IL18BP: variants seen among roughly 807,000 people sequenced by gnomAD.
IL18BP encodes interleukin 18 binding protein.
IL18BP carries 23 observed loss-of-function variants against 19.9 expected under a neutral mutation model. The ratio of observed to expected loss-of-function variants is 1.15; its 90% CI spans 0.83 to 1.64. The LOEUF (loss-of-function observed/expected upper bound fraction) is 1.64, where lower values mean the gene tolerates loss of function less well. Ranked by LOEUF, IL18BP falls within the 40% of genes most tolerant of loss-of-function variation. The probability of loss-of-function intolerance (pLI) is 0.00; values close to 1 mark genes in which losing one functional copy is unlikely to be tolerated. For missense variants in IL18BP, 239 were observed against 240.7 expected, an observed-to-expected ratio of 0.99 and a Z score of 0.05; for synonymous variants, 107 against 101.0, an observed-to-expected ratio of 1.06 and a Z score of -0.35.
chr11:72,007,335 G>T (rs200148571), downstream of IL18BP: 2 of 1,613,632 alleles, frequency 1.2e-6, no homozygotes, highest in East Asian at 4.5e-5. Context: ...GTGAAGTAGA[G>T]ACTCTCCAGG....
intron 2 of IL18BP, 142 bp downstream of exon 2, chr11:72,000,154 T>C: frequency 1.0e-6 from 1 of 965,298 alleles, no homozygotes; most frequent in Non-Finnish European, 1.6e-6. Context: ...CCTGGGCAGA[T>C]ATTGTAGCTC....
chr11:72,004,902 C>A (rs956387739), downstream of IL18BP: 24 of 1,315,830 alleles, frequency 1.8e-5, no homozygotes, highest in Admixed American at 6.2e-4. Context: ...TCTACACTCG[C>A]CCGACACTTA....
At position 72,001,451 on chromosome 11, in the gene IL18BP, C is replaced by T; in HGVS notation, c.406C>T (p.Leu136=). The T allele has an allele frequency of 1.2e-6, 2 of 1,614,216 alleles. No homozygotes were observed. Among genetic ancestry groups the T allele is most frequent in the Non-Finnish European group, 8.5e-7 (1 of 1,180,046 alleles). ...TGTQLCKALV[L]EQLTPALHST... ...TACGCAGCTGTGCAAGGCCTTGGTGCTGGAGCAGCTGACCCCTGCCCTGCA... is the reference window on the plus strand; with the variant it reads ...TACGCAGCTGTGCAAGGCCTTGGTGTTGGAGCAGCTGACCCCTGCCCTGCA... Residue 136 remains leucine (L), a synonymous_variant, in exon 5 of 6, where the codon CTG becomes TTG. Transcript: ENST00000393703.
chr11:72,004,861 G>T, downstream of IL18BP: 1 of 1,505,664 alleles, frequency 6.6e-7, no homozygotes, highest in Non-Finnish European at 8.9e-7. Context: ...GCTGTATGGA[G>T]ATGGAGGAGG....
chr11:72,003,387 G>A (rs1229181773), downstream of IL18BP: 35 of 824,508 alleles, frequency 4.2e-5, no homozygotes, highest in South Asian at 1.6e-4. Flanking sequence ...GCCAGGGTGC[G>A]GGCAGGCATC....
At position 72,002,442 on chromosome 11, in the gene IL18BP, G is replaced by T; in HGVS notation, c.*581G>T. The T allele has an allele frequency of 6.4e-6, 1 of 157,070 alleles. No homozygotes were observed. Among genetic ancestry groups the T allele is most frequent in the Non-Finnish European group, 1.4e-5 (1 of 71,046 alleles). 9.7% of individuals were successfully genotyped at this position (157,070 alleles called of 1,614,324 possible). ...CTTCACTCTAATGGACTGTTCCAGG[G>T]AAGGGATGGGGGCAGCAGCTGCTTC... On this transcript the variant is annotated 3_prime_UTR_variant, in exon 6 of 6. Coordinates refer to ENST00000393703, the MANE Select transcript of IL18BP (RefSeq NM_001039660.2).
At chr11:71,999,056 G>C (rs1197548887) in intron 1 of IL18BP, 37 bp downstream of exon 1, 3 of 458,150 alleles carry the variant, frequency 6.5e-6, no homozygotes, top group Non-Finnish European at 1.3e-5. Flanking sequence ...CTAGACCTGT[G>C]GCTCTGGCCA....
chr11:72,005,944 G>T, downstream of IL18BP: 2 of 1,129,112 alleles, frequency 1.8e-6, no homozygotes, highest in Non-Finnish European at 1.3e-6. Flanking sequence ...GGCCAGCCTT[G>T]GATTTTTAAA....
At chr11:72,007,284 G>C (rs367864451), downstream of IL18BP, 44 of 1,613,340 alleles carry the variant, frequency 2.7e-5, no homozygotes, top group Non-Finnish European at 3.7e-5. Flanking sequence ...AGGGAGTCCA[G>C]GCTGCTCTCC....
rs1361462147 is a variant in IL18BP at position 72,000,240 on chromosome 11, C to T, written c.29-111C>T. 4 of 1,049,826 alleles carry T rather than the reference C, an allele frequency of 3.8e-6. No individual in the cohort carries two copies. In the South Asian group the frequency reaches 5.5e-5, roughly 14 times the overall value. The allele number at this position is 1,049,826 out of a possible 1,614,324, so 65.0% of individuals were successfully genotyped here. The stretch of plus-strand genomic sequence containing the variant: ...GTGGGTGCTGAGGGGTCCCTCTTCC[C>T]GCTCTGATTCCCTGGCTAGAACCCA... On this transcript the variant is annotated intron_variant, in intron 2 of 5. Coordinates refer to ENST00000393703, the MANE Select transcript of IL18BP (RefSeq NM_001039660.2).
chr11:72,004,510 C>A, downstream of IL18BP: 1 of 1,247,304 alleles, frequency 8.0e-7, no homozygotes, highest in Non-Finnish European at 1.1e-6. Context: ...ATCCATGGGT[C>A]AGGCCCTTGG....
intron 3 of IL18BP, 69 bp downstream of exon 3, chr11:72,000,626 C>A: frequency 7.6e-7 from 1 of 1,314,886 alleles, no homozygotes; most frequent in Non-Finnish European, 1.1e-6. Flanking sequence ...GACTCCTGAG[C>A]GCCAGTCCCC....
chr11:72,002,050 C>G lies in IL18BP; in HGVS notation c.*189C>G. 2.5e-6 allele frequency: 2 copies of G among 784,914 alleles called. No individual in the cohort carries two copies. Among genetic ancestry groups the G allele is most frequent in the Non-Finnish European group, 4.1e-6 (2 of 487,102 alleles). 48.6% of individuals were successfully genotyped at this position (784,914 alleles called of 1,614,324 possible). On this transcript the variant is annotated 3_prime_UTR_variant, in exon 6 of 6. Coordinates refer to ENST00000393703, the MANE Select transcript of IL18BP (RefSeq NM_001039660.2). ...TCCCACCTACCTAGAAAATCACAGC[C>G]TCCTTATAATGCCTCCTCCTCCTGC...
chr11:72,001,990 T>C lies in IL18BP; in HGVS notation c.*129T>C, dbSNP rs1955277833. On this transcript the variant is annotated 3_prime_UTR_variant, in exon 6 of 6. Transcript: ENST00000393703. ...CGCAACACACCCCCTCCTTCTCTGCTTTGGGTCCCTTCTCTCACCAAATTC... is the reference window on the plus strand; with the variant it reads ...CGCAACACACCCCCTCCTTCTCTGCCTTGGGTCCCTTCTCTCACCAAATTC... The C allele has an allele frequency of 7.3e-7, 1 of 1,375,294 alleles. No homozygotes were observed. The highest frequency in any genetic ancestry group is 9.9e-7 in the Non-Finnish European group (1 of 1,010,406). 85.2% of individuals were successfully genotyped at this position (1,375,294 alleles called of 1,614,324 possible).
chr11:72,000,639 C>T (rs1282065480), intron 3 of IL18BP, 82 bp downstream of exon 3: 1 of 1,180,590 alleles, frequency 8.5e-7, no homozygotes, highest in Non-Finnish European at 1.2e-6. Flanking sequence ...CAGTCCCCTT[C>T]TGCCCATGTA....
Position 72,002,244 on chromosome 11 carries a change from G to A in IL18BP, c.*383G>A, listed in dbSNP as rs1401331640. On this transcript the variant is annotated 3_prime_UTR_variant, in exon 6 of 6. Coordinates refer to ENST00000393703, the MANE Select transcript of IL18BP (RefSeq NM_001039660.2). ...CTCCCAACTATTCTTGCTTTTCCCA[G>A]ACAGCTCCCACTCCCATGTCTCTGC... The A allele has an allele frequency of 1.2e-5, 3 of 249,566 alleles. No homozygotes were observed. Among genetic ancestry groups the A allele is most frequent in the African/African-American group, 6.7e-5 (3 of 44,888 alleles). The allele number at this position is 249,566 out of a possible 1,614,324, so 15.5% of individuals were successfully genotyped here.
Position 72,002,650 on chromosome 11 carries a change from G to C in IL18BP, c.*789G>C, listed in dbSNP as rs930562455. On this transcript the variant is annotated 3_prime_UTR_variant, in exon 6 of 6. Coordinates refer to ENST00000393703, the MANE Select transcript of IL18BP (RefSeq NM_001039660.2). Reference sequence around the variant, plus strand: ...GCTGAAGACAACACCTGCTTCAGGGGAACACAGGCGCTTGAAAAAGAAAAG... The same window carrying C: ...GCTGAAGACAACACCTGCTTCAGGGCAACACAGGCGCTTGAAAAAGAAAAG... 6.0e-6 allele frequency: 1 copy of C among 165,756 alleles called. No homozygotes were observed. The highest frequency in any genetic ancestry group is 1.3e-5 in the Non-Finnish European group (1 of 75,868). The allele number at this position is 165,756 out of a possible 1,614,324, so 10.3% of individuals were successfully genotyped here.
chr11:72,004,840 A>G, downstream of IL18BP: 3 of 1,547,046 alleles, frequency 1.9e-6, no homozygotes, highest in Non-Finnish European at 2.6e-6. Context: ...AGAGGTGGTC[A>G]GTGGACCATA....
At chr11:72,004,332 CCTT>C, downstream of IL18BP, 9 of 1,612,318 alleles carry the variant, frequency 5.6e-6, no homozygotes, top group Non-Finnish European at 7.6e-6. Flanking sequence ...CAGCTGGTGG[CCTT>C]CTTAGACTAT....
Sources: gnomAD v4.1 joint callset for allele counts on GRCh38, gnomAD v4.1.1 for gene constraint, MANE v1.5 for transcripts, NCBI Gene and HGNC (gene_info 2026-07-23, HGNC 2026-07-21) for gene names.